LRMDA: variants seen among roughly 807,000 people sequenced by gnomAD.
The protein encoded by LRMDA is leucine rich melanocyte differentiation associated, also known as leucine-rich melanocyte differentiation-associated protein.
A neutral mutation model predicts 29.8 loss-of-function variants in LRMDA; 18 were observed. That is an observed-to-expected ratio of 0.60 (90% CI 0.42 to 0.90). The LOEUF is 0.90. Ranked by LOEUF, LRMDA falls within the 40% of genes least tolerant of loss-of-function variation. LRMDA has a pLI of 0.00. For synonymous variants in LRMDA, 125 were observed against 109.4 expected (o/e 1.14, Z -0.89); for missense variants, 273 against 273.9 (o/e 1.00, Z 0.02).
chr10:76,337,953 G>T (rs1292299627), intron 6 of LRMDA, among the ~76,000 whole-genome samples: 1 of 151,952 alleles, frequency 6.6e-6, no homozygotes, highest in Non-Finnish European at 1.5e-5. Context: ...CAAAGTGCTG[G>T]AACCATCTCA....
intron 6 of LRMDA, among the ~76,000 whole-genome samples, chr10:76,513,684 T>C (rs1185484533): frequency 6.6e-6 from 1 of 152,232 alleles, no homozygotes; most frequent in Non-Finnish European, 1.5e-5. Context: ...GTTAGTGTCC[T>C]CTGGCCCTTT....
intron 4 of LRMDA, among the ~76,000 whole-genome samples, chr10:76,047,870 G>T (rs547922793): frequency 6.6e-6 from 1 of 152,182 alleles, no homozygotes; most frequent in Non-Finnish European, 1.5e-5. Flanking sequence ...GAGCTATGCC[G>T]TGGCGCCCAC....
At chr10:75,481,915 CT>C (rs1411365000) in intron 2 of LRMDA, among the ~76,000 whole-genome samples, 1 of 152,168 alleles carries the variant, frequency 6.6e-6, no homozygotes, top group African/African-American at 2.4e-5. Context: ...TTCATTCCTA[CT>C]TGTCTTTCAG....
chr10:75,520,621 C>T (rs548338327), intron 2 of LRMDA, among the ~76,000 whole-genome samples: 4 of 152,280 alleles, frequency 2.6e-5, no homozygotes, highest in East Asian at 3.9e-4. Context: ...GCGATGGGTT[C>T]GAACATCTTC....
chr10:75,874,195 T>A (rs138226159), intron 2 of LRMDA, among the ~76,000 whole-genome samples: 110 of 152,212 alleles, frequency 7.2e-4, no homozygotes, highest in African/African-American at 2.6e-3. Context: ...TAAGTAAAAG[T>A]CGGGGGAAAG....
intron 2 of LRMDA, among the ~76,000 whole-genome samples, chr10:75,663,874 C>T (rs1471446821): frequency 3.9e-5 from 6 of 152,120 alleles, no homozygotes; most frequent in Non-Finnish European, 7.4e-5. Flanking sequence ...GCGAGGACTG[C>T]TGGGGAGCCC....
At position 76,083,502 on chromosome 10, in the gene LRMDA, A is replaced by C. The variant is rs553070992; in HGVS notation, c.516+24719A>C. ...TCCCCTGATCTGTTGGCCTCACCAC[A>C]CCTAAATAATTTTATAACATAGGTA... On this transcript the variant is annotated intron_variant, in intron 5 of 6. Coordinates refer to ENST00000611255, the MANE Select transcript of LRMDA (RefSeq NM_001305581.2). 2.4e-4 allele frequency among the ~76,000 whole-genome samples: 37 copies of C among 152,256 alleles called. No individual in the cohort carries two copies. In the South Asian group the frequency reaches 3.3e-3, roughly 14 times the overall value.
intron 5 of LRMDA, among the ~76,000 whole-genome samples, chr10:76,245,533 T>A (rs1311694675): frequency 1.3e-5 from 2 of 152,212 alleles, no homozygotes; most frequent in Non-Finnish European, 2.9e-5. Context: ...AAATAGACAT[T>A]TTTAAATGCC....
chr10:75,823,685 AGTGT>A (rs141426887), intron 2 of LRMDA, among the ~76,000 whole-genome samples: 3,026 of 144,104 alleles, frequency 0.021, 75 homozygotes, highest in African/African-American at 0.055. Flanking sequence ...ATTAAAATGT[AGTGT>A]GTGTGTGTGT....
chr10:75,729,964 T>G (rs1158092037), intron 2 of LRMDA, among the ~76,000 whole-genome samples: 1 of 152,100 alleles, frequency 6.6e-6, no homozygotes, highest in Admixed American at 6.5e-5. Flanking sequence ...AGGCTATTTT[T>G]TTTAAATTTT....
chr10:75,620,938 A>G (rs926873123), intron 2 of LRMDA, among the ~76,000 whole-genome samples: 1 of 152,102 alleles, frequency 6.6e-6, no homozygotes, highest in Non-Finnish European at 1.5e-5. Context: ...TGCACACATC[A>G]CCTGAACAGT....
intron 6 of LRMDA, among the ~76,000 whole-genome samples, chr10:76,349,838 A>G (rs1841152963): frequency 6.6e-6 from 1 of 152,066 alleles, no homozygotes; most frequent in South Asian, 2.1e-4. Context: ...AGTTCCAGAA[A>G]TCTCACTCCT....
chr10:75,696,452 G>C (rs1842235943), intron 2 of LRMDA, among the ~76,000 whole-genome samples: 1 of 152,188 alleles, frequency 6.6e-6, no homozygotes, highest in African/African-American at 2.4e-5. Context: ...CATTCAAAAA[G>C]GGGAGAACTG....
chr10:76,000,682 G>A (rs1041509384), intron 2 of LRMDA, among the ~76,000 whole-genome samples: 2 of 152,170 alleles, frequency 1.3e-5, no homozygotes, highest in East Asian at 1.9e-4. Flanking sequence ...CTGTGAGAAA[G>A]GTGGCCTCAC....
intron 2 of LRMDA, among the ~76,000 whole-genome samples, chr10:75,734,599 A>T (rs1842738713): frequency 1.3e-5 from 2 of 152,226 alleles, no homozygotes; most frequent in African/African-American, 2.4e-5. Flanking sequence ...GGATTCATGC[A>T]TGTGTTCACT....
intron 2 of LRMDA, among the ~76,000 whole-genome samples, chr10:76,030,282 A>G (rs1456295182): frequency 6.6e-6 from 1 of 152,102 alleles, no homozygotes; most frequent in African/African-American, 2.4e-5. Flanking sequence ...ATGTATGGCT[A>G]TGTGACTTGA....
intron 2 of LRMDA, among the ~76,000 whole-genome samples, chr10:75,648,877 G>A (rs1208990336): frequency 6.6e-6 from 1 of 152,138 alleles, no homozygotes; most frequent in African/African-American, 2.4e-5. Context: ...AGAAACAGAT[G>A]TTCTGAGTAG....
At chr10:75,628,713 C>T (rs1029963657) in intron 2 of LRMDA, among the ~76,000 whole-genome samples, 1 of 152,198 alleles carries the variant, frequency 6.6e-6, no homozygotes, top group Non-Finnish European at 1.5e-5. Flanking sequence ...AGGGGACCCC[C>T]AGCACTGTTA....
chr10:76,205,845 G>T (rs2132238598), intron 5 of LRMDA, among the ~76,000 whole-genome samples: 2 of 152,192 alleles, frequency 1.3e-5, no homozygotes, highest in South Asian at 4.2e-4. Flanking sequence ...AGGATATGCA[G>T]ATCTTTGCTA....
Sources: gnomAD v4.1 joint callset for allele counts (sites outside exome capture counted in the v4.1 genomes callset) on GRCh38, gnomAD v4.1.1 for gene constraint, MANE v1.5 for transcripts, NCBI Gene and HGNC (gene_info 2026-07-23, HGNC 2026-07-21) for gene names.